The following ESRRG variants were observed in gnomAD, a reference collection of about 807,000 sequenced individuals.
ESRRG encodes estrogen-related receptor gamma.
A neutral mutation model predicts 44.0 loss-of-function variants in ESRRG; 13 were observed. That is an observed-to-expected ratio of 0.30 (90% CI 0.19 to 0.47). The LOEUF is 0.47. Ranked by LOEUF, ESRRG falls within the 20% of genes least tolerant of loss-of-function variation. ESRRG has a pLI of 1.00. For missense variants in ESRRG, 395 were observed against 580.6 expected, an observed-to-expected ratio of 0.68 and a Z score of 3.29; for synonymous variants, 215 against 214.6, an observed-to-expected ratio of 1.00 and a Z score of -0.02.
At chr1:216,866,703 T>G (rs1292309238) in intron 2 of ESRRG, among the ~76,000 whole-genome samples, 1 of 152,104 alleles carries the variant, frequency 6.6e-6, no homozygotes, top group Non-Finnish European at 1.5e-5. Context: ...CCTGGGTAGC[T>G]GGGACTGCAG....
chr1:216,707,318 T>G lies in ESRRG; in HGVS notation c.56+15926A>C, dbSNP rs1288030008. 3.3e-6 allele frequency: 5 copies of G among 1,533,772 alleles called. No individual in the cohort carries two copies. In the Admixed American group the frequency reaches 5.9e-5, roughly 18 times the overall value. ...AGCATTTTAAGATTTAATGGCAACT[T>G]TGGTGATCAAGTCTTCACAAAGAAA... On this transcript the variant is annotated intron_variant, in intron 1 of 6. Coordinates refer to ENST00000408911, the MANE Select transcript of ESRRG (RefSeq NM_001438.4).
intron 3 of ESRRG, among the ~76,000 whole-genome samples, chr1:216,609,912 A>G (rs1204130814): frequency 6.6e-6 from 1 of 152,188 alleles, no homozygotes; most frequent in Non-Finnish European, 1.5e-5. Context: ...ATATTATTTA[A>G]AAGTACTTTT....
intron 1 of ESRRG, among the ~76,000 whole-genome samples, chr1:217,105,408 G>A (rs1287382706): frequency 2.0e-5 from 3 of 152,150 alleles, no homozygotes; most frequent in Non-Finnish European, 4.4e-5. Flanking sequence ...AGTTCAGAGA[G>A]ATGAAATACT....
At chr1:216,987,794 G>A (rs2075104594) in intron 1 of ESRRG, among the ~76,000 whole-genome samples, 3 of 152,002 alleles carry the variant, frequency 2.0e-5, no homozygotes, top group African/African-American at 7.2e-5. Flanking sequence ...CACTATGATG[G>A]TTTGCCTATC....
intron 3 of ESRRG, among the ~76,000 whole-genome samples, chr1:216,593,756 G>T (rs1156476181): frequency 2.0e-5 from 3 of 152,138 alleles, no homozygotes; most frequent in Non-Finnish European, 4.4e-5. Context: ...TGTGTGTTGG[G>T]GGGAACAGTT....
At chr1:216,750,334 A>G (rs1189300936) in intron 2 of ESRRG, among the ~76,000 whole-genome samples, 2 of 152,068 alleles carry the variant, frequency 1.3e-5, no homozygotes, top group African/African-American at 4.8e-5. Flanking sequence ...TTTGTGATAG[A>G]CTTTCTCTCT....
intron 1 of ESRRG, chr1:216,686,015 T>C (rs1017561253): frequency 1.3e-5 from 2 of 152,204 alleles, no homozygotes; most frequent in African/African-American, 4.8e-5. Flanking sequence ...GATGGAGATG[T>C]GCAGCACAAT....
Position 216,585,610 on chromosome 1 carries a change from T to G in ESRRG, c.590-17512A>C, listed in dbSNP as rs577759635. Among the ~76,000 whole-genome samples, 11 of 152,282 alleles carry G rather than the reference T, an allele frequency of 7.2e-5. No individual in the cohort carries two copies. The South Asian group carries it at 1.2e-3, about 17-fold the overall frequency. Reference sequence around the variant, plus strand: ...ATTTTAAACAATGTCAAAACAGATGTTTGTGGACAGTTGTGAATAAGTTTA... The same window carrying G: ...ATTTTAAACAATGTCAAAACAGATGGTTGTGGACAGTTGTGAATAAGTTTA... On this transcript the variant is annotated intron_variant, in intron 3 of 6. Coordinates refer to ENST00000408911, the MANE Select transcript of ESRRG (RefSeq NM_001438.4).
At chr1:216,999,631 A>G (rs1188707134) in intron 1 of ESRRG, among the ~76,000 whole-genome samples, 1 of 152,224 alleles carries the variant, frequency 6.6e-6, no homozygotes, top group Non-Finnish European at 1.5e-5. Context: ...CCAGTATTTT[A>G]CCAACACCCT....
chr1:216,806,553 T>C (rs1559710571), intron 2 of ESRRG, among the ~76,000 whole-genome samples: 1 of 152,172 alleles, frequency 6.6e-6, no homozygotes, highest in African/African-American at 2.4e-5. Context: ...TGCAAAAGAA[T>C]AGAAAATTTT....
intron 1 of ESRRG, chr1:216,714,494 T>G: frequency 5.2e-6 from 3 of 574,876 alleles, no homozygotes; most frequent in Non-Finnish European, 6.6e-6. Context: ...AGGAAGACAA[T>G]AGACAATATC....
intron 1 of ESRRG, among the ~76,000 whole-genome samples, chr1:217,009,789 T>C (rs865961725): frequency 1.4e-5 from 2 of 140,924 alleles, no homozygotes; most frequent in Admixed American, 7.5e-5. Context: ...CACTGCAACC[T>C]CTGCCTCCTG....
intron 2 of ESRRG, among the ~76,000 whole-genome samples, chr1:216,792,534 T>C (rs1028759014): frequency 1.3e-5 from 2 of 152,160 alleles, no homozygotes; most frequent in Non-Finnish European, 2.9e-5. Context: ...AGGCATTGTT[T>C]ACATATTAAA....
chr1:216,630,945 T>G (rs2064058158), intron 3 of ESRRG, among the ~76,000 whole-genome samples: 1 of 152,196 alleles, frequency 6.6e-6, no homozygotes. Flanking sequence ...AGTGTTGTGT[T>G]GCATTTATCT....
chr1:216,571,241 G>A (rs943749085), intron 3 of ESRRG, among the ~76,000 whole-genome samples: 5 of 152,062 alleles, frequency 3.3e-5, no homozygotes, highest in South Asian at 4.1e-4. Flanking sequence ...TCAGGAGTTC[G>A]AGACCAGCCT....
chr1:217,058,514 G>A (rs2087638804), intron 1 of ESRRG, among the ~76,000 whole-genome samples: 1 of 152,050 alleles, frequency 6.6e-6, no homozygotes, highest in Non-Finnish European at 1.5e-5. Context: ...AAGTTTAAAG[G>A]GGACTAACAG....
intron 2 of ESRRG, among the ~76,000 whole-genome samples, chr1:216,671,657 G>A (rs1476950092): frequency 6.6e-6 from 1 of 152,070 alleles, no homozygotes; most frequent in Non-Finnish European, 1.5e-5. Flanking sequence ...CTGAGACTTG[G>A]GCCTGGCTTT....
intron 2 of ESRRG, among the ~76,000 whole-genome samples, chr1:216,762,959 A>T (rs1328126748): frequency 1.3e-5 from 2 of 152,116 alleles, no homozygotes; most frequent in African/African-American, 4.8e-5. Flanking sequence ...GCATGTAACA[A>T]ATGATTTTTG....
At chr1:216,901,708 G>A (rs937519217) in intron 2 of ESRRG, among the ~76,000 whole-genome samples, 1 of 151,630 alleles carries the variant, frequency 6.6e-6, no homozygotes, top group Admixed American at 6.6e-5. Flanking sequence ...ATTCTCTTTG[G>A]CACTACAGCT....
Sources: allele counts gnomAD v4.1 joint callset (sites outside exome capture counted in the v4.1 genomes callset), GRCh38; gene constraint gnomAD v4.1.1; transcripts MANE v1.5; gene names NCBI Gene and HGNC (gene_info 2026-07-23, HGNC 2026-07-21).